The following NOL10 variants were observed in gnomAD, a reference collection of about 807,000 sequenced individuals.
NOL10 encodes the protein H_NH0074G24.1.
In NOL10, 58 loss-of-function variants were observed where a neutral mutation model predicts 103.5. That is an observed-to-expected ratio of 0.56 (90% CI 0.45 to 0.70). NOL10 has a LOEUF of 0.70. NOL10 is among the 30% of genes least tolerant of loss of function. The pLI, the probability that NOL10 is intolerant of heterozygous loss-of-function variation, is 0.00. For missense variants in NOL10, 763 were observed against 807.3 expected (o/e 0.95, Z 0.67); for synonymous variants, 287 against 282.5 (o/e 1.02, Z -0.16).
rs141651395 is a variant in NOL10 at position 10,617,084 on chromosome 2, G to A, written c.1027-9773C>T. 6.3e-4 allele frequency among the ~76,000 whole-genome samples: 96 copies of A among 152,298 alleles called. No individual in the cohort carries two copies. The East Asian group carries it at 0.017, about 27-fold the overall frequency. On this transcript the variant is annotated intron_variant, in intron 13 of 20. Coordinates refer to ENST00000381685, the MANE Select transcript of NOL10 (RefSeq NM_024894.4). ...AAACTACAAACAAGGGAGAGGCAGT[G>A]GAGAGTATGACAGACAGAGACTGGT... is the stretch of plus-strand genomic sequence containing the variant.
rs1217769428 is a variant in NOL10, at chr2:10,587,130, C to CAT, written c.1844+1911_1844+1912dup. 8.6e-3 allele frequency among the ~76,000 whole-genome samples: 272 copies of CAT among 31,680 alleles called. 88 individuals are homozygous for CAT. The highest frequency in any genetic ancestry group is 0.028 in the Admixed American group (61 of 2,182). The allele number at this position is 31,680 out of a possible 152,430, so 20.8% of individuals were successfully genotyped here. ...ATATACATATATATACATATATATA[C>CAT]ATATATACACATATATATACATATA... On this transcript the variant is annotated intron_variant, in intron 19 of 20. Coordinates refer to ENST00000381685, the MANE Select transcript of NOL10 (RefSeq NM_024894.4).
At chr2:10,613,818 A>C (rs746250906) in intron 13 of NOL10, among the ~76,000 whole-genome samples, 6 of 152,196 alleles carry the variant, frequency 3.9e-5, no homozygotes, top group Non-Finnish European at 7.3e-5. Context: ...ATTTTATTAT[A>C]GAACTGTTTT....
At chr2:10,668,303 T>C (rs1572411916) in intron 7 of NOL10, among the ~76,000 whole-genome samples, 1 of 152,232 alleles carries the variant, frequency 6.6e-6, no homozygotes. Flanking sequence ...TAGCAGAGCA[T>C]AAAAATTTAA....
intron 19 of NOL10, among the ~76,000 whole-genome samples, chr2:10,582,977 G>A (rs1187166090): frequency 1.3e-5 from 2 of 152,110 alleles, no homozygotes; most frequent in African/African-American, 4.8e-5. Flanking sequence ...TATTGCAGTT[G>A]GCCACTTGGC....
At chr2:10,627,446 C>T (rs1677541076) in intron 13 of NOL10, among the ~76,000 whole-genome samples, 1 of 152,144 alleles carries the variant, frequency 6.6e-6, no homozygotes, top group East Asian at 1.9e-4. Flanking sequence ...GAGGCTGAGG[C>T]GAGCAGATCA....
chr2:10,610,649 C>T (rs1676515664), intron 13 of NOL10, among the ~76,000 whole-genome samples: 1 of 152,190 alleles, frequency 6.6e-6, no homozygotes, highest in African/African-American at 2.4e-5. Context: ...GTTTCAAAAA[C>T]AGTGGCCAGC....
chr2:10,595,396 G>A (rs1675620297), intron 17 of NOL10, among the ~76,000 whole-genome samples: 1 of 152,044 alleles, frequency 6.6e-6, no homozygotes, highest in Non-Finnish European at 1.5e-5. Flanking sequence ...GCTAACTGCG[G>A]CCTTGCAGGG....
Position 10,619,456 on chromosome 2 carries a change from C to A in NOL10, c.1027-12145G>T, listed in dbSNP as rs190261044. 2.2e-4 allele frequency among the ~76,000 whole-genome samples: 34 copies of A among 152,288 alleles called. No homozygotes were observed. In the East Asian group the frequency reaches 5.8e-3, roughly 26 times the overall value. ...GTTGTGGCCACCGTACCTGGCCAAA[C>A]CACTGTAGTTTAAGTGTGTGAAAAT... On this transcript the variant is annotated intron_variant, in intron 13 of 20. Transcript: ENST00000381685.
intron 12 of NOL10, among the ~76,000 whole-genome samples, chr2:10,651,921 T>G (rs764442469): frequency 6.6e-6 from 1 of 152,190 alleles, no homozygotes; most frequent in African/African-American, 2.4e-5. Context: ...TTTCTCATCT[T>G]TCTTGGGAGA....
intron 1 of NOL10, among the ~76,000 whole-genome samples, chr2:10,686,965 G>A (rs1333322771): frequency 6.6e-6 from 1 of 152,214 alleles, no homozygotes; most frequent in Non-Finnish European, 1.5e-5. Flanking sequence ...CAGAGTAGAG[G>A]TAAGGGCTAG....
intron 13 of NOL10, among the ~76,000 whole-genome samples, chr2:10,627,832 T>C (rs1218410069): frequency 6.6e-6 from 1 of 151,692 alleles, no homozygotes; most frequent in African/African-American, 2.4e-5. Context: ...ATCCTAAACC[T>C]CAACATCACA....
chr2:10,673,681 A>G, intron 4 of NOL10, 124 bp from the exon 5 acceptor site: 1 of 559,950 alleles, frequency 1.8e-6, no homozygotes, highest in Non-Finnish European at 3.1e-6. Flanking sequence ...TTCTGCCTCT[A>G]CGTGAAACAA....
chr2:10,669,084 TTC>T (rs1162461057), intron 6 of NOL10, among the ~76,000 whole-genome samples: 1 of 152,086 alleles, frequency 6.6e-6, no homozygotes, highest in Non-Finnish European at 1.5e-5. Context: ...GCTGAATTTT[TTC>T]TTTTTTTTTG....
rs142028046 is a variant in NOL10 at position 10,672,443 on chromosome 2, A to G, written c.328-753T>C. 4.9e-4 allele frequency among the ~76,000 whole-genome samples: 75 copies of G among 152,310 alleles called. 1 individual carries two copies. The East Asian group carries it at 7.9e-3, about 16-fold the overall frequency. On this transcript the variant is annotated intron_variant, in intron 5 of 20. Coordinates refer to ENST00000381685, the MANE Select transcript of NOL10 (RefSeq NM_024894.4). Reference sequence around the variant, plus strand: ...AAAGGGGTATCTTAAACATCAACAGATGGTATTTAAAGGCAAATTTGTCAG... The same window carrying G: ...AAAGGGGTATCTTAAACATCAACAGGTGGTATTTAAAGGCAAATTTGTCAG...
chr2:10,630,262 A>C (rs1301251042), intron 13 of NOL10, among the ~76,000 whole-genome samples: 3 of 152,248 alleles, frequency 2.0e-5, no homozygotes, highest in Non-Finnish European at 4.4e-5. Flanking sequence ...TTCGGAGAGA[A>C]TAAGTAACTC....
At chr2:10,646,526 G>A (rs1679081710) in intron 12 of NOL10, among the ~76,000 whole-genome samples, 1 of 152,200 alleles carries the variant, frequency 6.6e-6, no homozygotes, top group Non-Finnish European at 1.5e-5. Context: ...GGTCAGGGCT[G>A]AAAGCAATTA....
chr2:10,670,607 C>T (rs1465608772), intron 6 of NOL10, among the ~76,000 whole-genome samples: 5 of 152,110 alleles, frequency 3.3e-5, no homozygotes, highest in South Asian at 2.1e-4. Flanking sequence ...TGGTGGCAGG[C>T]GCCCATAGTC....
At chr2:10,618,845 C>G (rs1394121549) in intron 13 of NOL10, among the ~76,000 whole-genome samples, 1 of 152,190 alleles carries the variant, frequency 6.6e-6, no homozygotes, top group East Asian at 1.9e-4. Context: ...TCTGAAAAGA[C>G]TATGCCTACA....
At chr2:10,684,276 C>CA (rs55930710) in intron 2 of NOL10, among the ~76,000 whole-genome samples, 28,774 of 134,652 alleles carry the variant, frequency 0.21, 3,756 homozygotes, top group Non-Finnish European at 0.31. Context: ...AACTCCATCT[C>CA]AAAAAAAAAA....
Sources: gnomAD v4.1 joint callset for allele counts (sites outside exome capture counted in the v4.1 genomes callset) on GRCh38, gnomAD v4.1.1 for gene constraint, MANE v1.5 for transcripts, NCBI Gene and HGNC (gene_info 2026-07-23, HGNC 2026-07-21) for gene names.